TOMM40: variants seen among roughly 807,000 people sequenced by gnomAD.
The protein encoded by TOMM40 is mitochondrial import receptor subunit TOM40 homolog.
In TOMM40, 9 loss-of-function variants were observed where a neutral mutation model predicts 38.4. That is an observed-to-expected ratio of 0.23 (90% CI 0.14 to 0.41). The LOEUF (loss-of-function observed/expected upper bound fraction) is 0.41. Among genes scored for constraint, TOMM40 ranks in the 10% least tolerant of loss-of-function variants. TOMM40 has a pLI of 1.00. For synonymous variants in TOMM40, 184 were observed against 210.0 expected (o/e 0.88, Z 1.07); for missense variants, 299 against 486.5 (o/e 0.61, Z 3.63).
chr19:44,903,520 G>A lies in TOMM40; in HGVS notation c.*351G>A, dbSNP rs548141819. ...CCCATCCTCCAAAGGGCCTGGGCCC[G>A]CCCCGAGGGGGCAGCGAGAGGAGCT... On this transcript the variant is annotated 3_prime_UTR_variant, in exon 9 of 9. Coordinates refer to ENST00000426677, the MANE Select transcript of TOMM40 (RefSeq NM_001128917.2). 3.2e-5 allele frequency: 7 copies of A among 222,040 alleles called. No individual in the cohort carries two copies. The East Asian group carries it at 5.3e-4, about 17-fold the overall frequency. 13.8% of individuals were successfully genotyped at this position (222,040 alleles called of 1,614,324 possible).
At position 44,902,973 on chromosome 19, in the gene TOMM40, C is replaced by G. The variant is rs930461942; in HGVS notation, c.947-57C>G. 12 of 1,577,570 alleles carry G rather than the reference C, an allele frequency of 7.6e-6. No homozygotes were observed. The African/African-American group carries it at 1.6e-4, about 21-fold the overall frequency. On this transcript the variant is annotated intron_variant, in intron 8 of 8. Transcript: ENST00000426677. Reference sequence around the variant, plus strand: ...GGCTGGTATCCAAGGTGGCCAGGAACTCTGCATGGATATGGTGGGAAGCTG... The same window carrying G: ...GGCTGGTATCCAAGGTGGCCAGGAAGTCTGCATGGATATGGTGGGAAGCTG...
chr19:44,896,639 G>T (rs76366838), intron 5 of TOMM40, among the ~76,000 whole-genome samples: 2 of 152,110 alleles, frequency 1.3e-5, no homozygotes, highest in Non-Finnish European at 2.9e-5. Flanking sequence ...TCAGGAGCCC[G>T]TGAGCCTCCC....
chr19:44,891,523 G>C lies in TOMM40; in HGVS notation c.108G>C (p.Thr36=), dbSNP rs1969462883. Residue 36 remains threonine, a synonymous_variant, in exon 1 of 9, where the codon ACG becomes ACC. Coordinates refer to ENST00000426677, the MANE Select transcript of TOMM40 (RefSeq NM_001128917.2). ...PPPPPSPPGF[T]LPPLGGSLGA... ...CTCCGCCCTCGCCGCCGGGCTTCAC[G>C]CTGCCGCCGCTGGGAGGCAGCCTGG... 7.1e-7 allele frequency: 1 copy of C among 1,407,202 alleles called. No homozygotes were observed. Among genetic ancestry groups the C allele is most frequent in the Non-Finnish European group, 9.3e-7 (1 of 1,078,334 alleles). The allele number at this position is 1,407,202 out of a possible 1,614,324, so 87.2% of individuals were successfully genotyped here. A position where few individuals can be genotyped will look rare whatever the true frequency, so the allele number is the denominator to read the frequency against.
At chr19:44,891,804 G>A (rs1969472272) in intron 1 of TOMM40, 115 bp downstream of exon 1, 6 of 1,130,724 alleles carry the variant, frequency 5.3e-6, no homozygotes, top group Non-Finnish European at 6.9e-6. Flanking sequence ...AACAGCACTA[G>A]GAGGTGATGT....
intron 3 of TOMM40, among the ~76,000 whole-genome samples, chr19:44,893,359 C>T (rs1190646283): frequency 2.0e-5 from 3 of 152,136 alleles, no homozygotes; most frequent in African/African-American, 7.2e-5. Flanking sequence ...CTGGGGTGGC[C>T]ATGTGGGGGC....
chr19:44,895,369 A>G (rs1275764598), intron 5 of TOMM40, among the ~76,000 whole-genome samples: 2 of 152,068 alleles, frequency 1.3e-5, no homozygotes, highest in African/African-American at 4.8e-5. Context: ...CATGGCAGAA[A>G]ACCCAGGAGA....
intron 5 of TOMM40, among the ~76,000 whole-genome samples, chr19:44,900,528 G>A (rs1878773018): frequency 6.6e-6 from 1 of 152,158 alleles, no homozygotes; most frequent in Non-Finnish European, 1.5e-5. Flanking sequence ...GGTCCTTCAG[G>A]TAATGCAGTC....
intron 3 of TOMM40, among the ~76,000 whole-genome samples, chr19:44,893,434 C>T (rs556279982): frequency 6.6e-6 from 1 of 152,362 alleles, no homozygotes; most frequent in East Asian, 1.9e-4. Flanking sequence ...GAGGTCTCTG[C>T]TTCTGTCATT....
intron 6 of TOMM40, 43 bp downstream of exon 6, chr19:44,900,895 C>G (rs766035462): frequency 1.2e-6 from 2 of 1,610,496 alleles, no homozygotes; most frequent in South Asian, 2.2e-5. Context: ...GGCTGGGCCC[C>G]TGGACTCCTC....
chr19:44,899,005 T>G (rs111784051), intron 5 of TOMM40, among the ~76,000 whole-genome samples: 8,706 of 151,002 alleles, frequency 0.058, 414 homozygotes, highest in African/African-American at 0.12. Flanking sequence ...GGTGGCGGGC[T>G]CCTGTAGTCC....
chr19:44,891,626 G>C lies in TOMM40; in HGVS notation c.211G>C (p.Asp71His). Residue 71 changes from aspartate (D) to histidine (H), a missense_variant, in exon 1 of 9, where the codon GAT (aspartate) becomes CAT (histidine). Coordinates refer to ENST00000426677, the MANE Select transcript of TOMM40 (RefSeq NM_001128917.2). Reference protein sequence around the residue: ...ATASASGAAEDGACGCLPNPG... With the variant: ...ATASASGAAEHGACGCLPNPG... ...CGCCAGCGCCTCAGGGGCCGCCGAG[G>C]ATGGGGCCTGCGGCTGCCTGCCCAA... 1 of 1,484,578 alleles carries C rather than the reference G, an allele frequency of 6.7e-7. No homozygotes were observed. The highest frequency in any genetic ancestry group is 8.9e-7 in the Non-Finnish European group (1 of 1,122,194). 92.0% of individuals were successfully genotyped at this position (1,484,578 alleles called of 1,614,324 possible).
intron 1 of TOMM40, 57 bp from the exon 2 acceptor site, chr19:44,892,336 A>G (rs1969481680): frequency 1.3e-6 from 2 of 1,494,210 alleles, no homozygotes; most frequent in African/African-American, 1.4e-5. Flanking sequence ...TAGGGAAGGA[A>G]GAGATGAGAG....
rs550325395 is a variant in TOMM40, at chr19:44,896,237, G to T, written c.643+2171G>T. Among the ~76,000 whole-genome samples the T allele has an allele frequency of 2.0e-5, 3 of 152,256 alleles. No homozygotes were observed. In the South Asian group the frequency reaches 6.2e-4, roughly 32 times the overall value. On this transcript the variant is annotated intron_variant, in intron 5 of 8. Transcript: ENST00000426677. The stretch of plus-strand genomic sequence containing the variant: ...TTCCCCCAGACACCAGTGAGAACAG[G>T]GCCTGCCGTGTGCCGGTCAGGGCTG...
In TOMM40 at chr19:44,903,115, C is replaced by T; in HGVS notation, c.1032C>T (p.Phe344=). The T allele has an allele frequency of 6.2e-7, 1 of 1,612,428 alleles. No individual in the cohort carries two copies. The highest frequency in any genetic ancestry group is 8.5e-7 in the Non-Finnish European group (1 of 1,179,972). ...PLPLTLALGA[F]LNHRKNKFQC... ...CCCTGACACTGGCCCTTGGGGCCTT[C>T]CTGAATCACCGCAAGAACAAGTTTC... is the stretch of plus-strand genomic sequence containing the variant. Residue 344 remains phenylalanine (F), a synonymous_variant, in exon 9 of 9, where the codon TTC becomes TTT. Coordinates refer to ENST00000426677, the MANE Select transcript of TOMM40 (RefSeq NM_001128917.2).
intron 2 of TOMM40, 36 bp downstream of exon 2, chr19:44,892,496 G>T: frequency 6.3e-7 from 1 of 1,585,826 alleles, no homozygotes; most frequent in Non-Finnish European, 8.6e-7. Flanking sequence ...ACCAGAGATC[G>T]TCCCCGCCGT....
In TOMM40 at chr19:44,903,187, C is replaced by T; in HGVS notation, c.*18C>T. 3 of 1,592,052 alleles carry T rather than the reference C, an allele frequency of 1.9e-6. No homozygotes were observed. Among genetic ancestry groups the T allele is most frequent in the Non-Finnish European group, 2.6e-6 (3 of 1,170,086 alleles). On this transcript the variant is annotated 3_prime_UTR_variant, in exon 9 of 9. Transcript: ENST00000426677. ...TCGGCTGAGCCCTCCTGGCCCCCGC[C>T]TTCCACGCCCTTCCGATTCCACCTC...
chr19:44,901,116 C>T lies in TOMM40; in HGVS notation c.843+12C>T. On this transcript the variant is annotated intron_variant, in intron 7 of 8. Coordinates refer to ENST00000426677, the MANE Select transcript of TOMM40 (RefSeq NM_001128917.2). ...AAGCCAGTGACCAGGTGAGTGGGTG[C>T]AGGGACTAGCTGGTGCTGCCAGGGG... 1 of 1,614,240 alleles carries T rather than the reference C, an allele frequency of 6.2e-7. No homozygotes were observed. The highest frequency in any genetic ancestry group is 8.5e-7 in the Non-Finnish European group (1 of 1,180,020).
intron 1 of TOMM40, 51 bp from the exon 2 acceptor site, chr19:44,892,342 G>T: frequency 6.4e-7 from 1 of 1,557,668 alleles, no homozygotes. Flanking sequence ...AGGAAGAGAT[G>T]AGAGTTGGTG....
chr19:44,903,280 T>TG lies in TOMM40; in HGVS notation c.*111_*112insG. 1 of 1,170,572 alleles carries TG rather than the reference T, an allele frequency of 8.5e-7. No homozygotes were observed. The highest frequency in any genetic ancestry group is 1.1e-6 in the Non-Finnish European group (1 of 876,146). The allele number at this position is 1,170,572 out of a possible 1,614,324, so 72.5% of individuals were successfully genotyped here. ...CCTCCCTTCCCTCCCCCCTTGGGGG[T>TG]CGGGGGGGACATTGGAAAGGAGGGA... On this transcript the variant is annotated 3_prime_UTR_variant, in exon 9 of 9. Transcript: ENST00000426677.
Sources: allele counts gnomAD v4.1 joint callset (sites outside exome capture counted in the v4.1 genomes callset), GRCh38; gene constraint gnomAD v4.1.1; transcripts MANE v1.5; gene names NCBI Gene and HGNC (gene_info 2026-07-23, HGNC 2026-07-21).